The following PHF21B variants were observed in gnomAD, a reference collection of about 807,000 sequenced individuals.
PHF21B encodes PHD finger protein 21B.
PHF21B carries 22 observed loss-of-function variants against 62.2 expected under a neutral mutation model. That is an observed-to-expected ratio of 0.35 (90% CI 0.25 to 0.51). The LOEUF is 0.51. PHF21B is among the 20% of genes least tolerant of loss of function. The pLI, the probability that PHF21B is intolerant of heterozygous loss-of-function variation, is 0.97. For missense variants in PHF21B, 701 were observed against 707.9 expected (o/e 0.99, Z 0.11); for synonymous variants, 341 against 314.7 (o/e 1.08, Z -0.88).
chr22:44,895,890 C>A, intron 6 of PHF21B, 142 bp downstream of exon 6: 1 of 882,462 alleles, frequency 1.1e-6, no homozygotes, highest in African/African-American at 1.6e-5. Context: ...ATCCTGAGAC[C>A]CACTGCAGCA....
At chr22:44,980,664 C>T (rs2072824566) in intron 2 of PHF21B, among the ~76,000 whole-genome samples, 1 of 152,218 alleles carries the variant, frequency 6.6e-6, no homozygotes, top group African/African-American at 2.4e-5. Context: ...AAGCCACTGC[C>T]TCCCCCAAGA....
chr22:44,892,756 G>C (rs1363215486), intron 7 of PHF21B, among the ~76,000 whole-genome samples: 1 of 152,200 alleles, frequency 6.6e-6, no homozygotes, highest in African/African-American at 2.4e-5. Context: ...GTTGGCTTTG[G>C]GGAGATGACA....
chr22:44,962,079 G>GC (rs1305949518), intron 2 of PHF21B, among the ~76,000 whole-genome samples: 4 of 152,034 alleles, frequency 2.6e-5, no homozygotes, highest in African/African-American at 9.7e-5. Context: ...ACACACAAGT[G>GC]CATGTGTCTT....
intron 2 of PHF21B, among the ~76,000 whole-genome samples, chr22:44,921,974 T>C (rs1276720052): frequency 6.6e-6 from 1 of 152,168 alleles, no homozygotes; most frequent in East Asian, 1.9e-4. Flanking sequence ...GGAGCAGTTC[T>C]ACATGGCTAC....
intron 2 of PHF21B, among the ~76,000 whole-genome samples, chr22:44,965,168 CCT>C (rs974029950): frequency 3.3e-5 from 5 of 152,142 alleles, no homozygotes; most frequent in Non-Finnish European, 7.4e-5. Flanking sequence ...GGACCATCCC[CCT>C]GTGCCACCTG....
intron 2 of PHF21B, among the ~76,000 whole-genome samples, chr22:44,980,246 C>A (rs1026874178): frequency 4.6e-5 from 7 of 152,296 alleles, no homozygotes; most frequent in Admixed American, 3.9e-4. Context: ...GTCAGCATGT[C>A]TGGCCCCCAG....
intron 10 of PHF21B, among the ~76,000 whole-genome samples, chr22:44,887,172 A>AAG (rs1555929925): frequency 1.3e-5 from 2 of 151,384 alleles, no homozygotes; most frequent in African/African-American, 4.9e-5. Context: ...AAAAAAAAAA[A>AAG]AAAGAAAGAA....
intron 2 of PHF21B, among the ~76,000 whole-genome samples, chr22:44,927,435 G>A (rs1169298791): frequency 6.6e-6 from 1 of 152,126 alleles, no homozygotes; most frequent in East Asian, 1.9e-4. Context: ...TGGACCTACA[G>A]CCCCAGCACC....
intron 2 of PHF21B, among the ~76,000 whole-genome samples, chr22:44,972,108 G>A (rs1466528464): frequency 6.6e-6 from 1 of 152,204 alleles, no homozygotes; most frequent in Non-Finnish European, 1.5e-5. Flanking sequence ...GAATGACAGG[G>A]CTGGGTCTTG....
intron 2 of PHF21B, among the ~76,000 whole-genome samples, chr22:44,990,161 C>T (rs2073020170): frequency 6.6e-6 from 1 of 152,174 alleles, no homozygotes; most frequent in Non-Finnish European, 1.5e-5. Flanking sequence ...CCATGGCTCC[C>T]ACAGTCATGG....
intron 1 of PHF21B, 33 bp from the exon 2 acceptor site, chr22:45,008,643 G>T: frequency 6.5e-7 from 1 of 1,539,356 alleles, no homozygotes. Context: ...GCTCAGGCAG[G>T]CCACCCGGGG....
rs1473257695 is a variant in PHF21B at position 45,009,981 on chromosome 22, C to CTCGGCACGATGCTAAT, written c.-448_-433dup. ...TCGTTGGGCCTCGGCAAAGTTGTGC[C>CTCGGCACGATGCTAAT]TCGGCACGATGCTAATTCGGCAGTG... On this transcript the variant is annotated 5_prime_UTR_variant, in exon 1 of 13. Transcript: ENST00000313237. This position sits in a 1 kb window ranked among gnomAD's most constrained non-coding sequence, Gnocchi z 5.9. 6.8e-6 allele frequency: 1 copy of CTCGGCACGATGCTAAT among 146,378 alleles called. No homozygotes were observed. The highest frequency in any genetic ancestry group is 1.5e-5 in the Non-Finnish European group (1 of 65,616). The allele number at this position is 146,378 out of a possible 1,614,324, so 9.1% of individuals were successfully genotyped here.
chr22:44,975,535 G>C (rs1372854192), intron 2 of PHF21B, among the ~76,000 whole-genome samples: 1 of 152,248 alleles, frequency 6.6e-6, no homozygotes, highest in East Asian at 1.9e-4. Context: ...TGCCCTGACA[G>C]CAGAGAGGGT....
At chr22:44,993,682 A>G (rs1186196190) in intron 2 of PHF21B, among the ~76,000 whole-genome samples, 3 of 152,228 alleles carry the variant, frequency 2.0e-5, no homozygotes, top group Non-Finnish European at 4.4e-5. Context: ...GAGATGAGCA[A>G]CTTGGACTCT....
rs756264608 is a variant in PHF21B, at chr22:44,913,895, T to C, written c.758A>G (p.Glu253Gly). ...ESTAESRPPT[E>G]EPSQGAQATK... ...GGCCTGAGCTCCCTGAGATGGCTCC[T>C]CTGTGGGCGGCCGCGACTCTGCCGT... Residue 253 changes from glutamate to glycine, a missense_variant, in exon 5 of 13, where the codon GAG becomes GGG. Transcript: ENST00000313237. 2 of 1,613,978 alleles carry C rather than the reference T, an allele frequency of 1.2e-6. No homozygotes were observed. Among genetic ancestry groups the C allele is most frequent in the South Asian group, 2.2e-5 (2 of 91,054 alleles).
chr22:44,957,840 A>G (rs1328623652), intron 2 of PHF21B, among the ~76,000 whole-genome samples: 1 of 151,844 alleles, frequency 6.6e-6, no homozygotes, highest in East Asian at 1.9e-4. Flanking sequence ...TAAGCATTCT[A>G]AACCCGTTCA....
chr22:44,986,117 G>T (rs932236859), intron 2 of PHF21B, among the ~76,000 whole-genome samples: 1 of 100,866 alleles, frequency 9.9e-6, no homozygotes, highest in Non-Finnish European at 2.0e-5. Context: ...CCATCACCAT[G>T]ACAACCATCA....
At chr22:44,901,966 A>C (rs77578380) in intron 5 of PHF21B, 9,092 of 207,560 alleles carry the variant, frequency 0.044, 325 homozygotes, top group African/African-American at 0.1. Flanking sequence ...CATGGCAAAA[A>C]CCCCTTCAGC....
chr22:45,009,088 C>G lies in PHF21B; in HGVS notation c.54+408G>C. The G allele has an allele frequency of 9.4e-7, 1 of 1,064,404 alleles. No homozygotes were observed. 65.9% of individuals were successfully genotyped at this position (1,064,404 alleles called of 1,614,324 possible). A position where few individuals can be genotyped will look rare whatever the true frequency, so the allele number is the denominator to read the frequency against. ...CACGCCGCCGCTCGCCAGCAGCGATCGCCAAAACTACTTCTGCACACCGGG... is the reference window on the plus strand; with the variant it reads ...CACGCCGCCGCTCGCCAGCAGCGATGGCCAAAACTACTTCTGCACACCGGG... On this transcript the variant is annotated intron_variant, in intron 1 of 12. Coordinates refer to ENST00000313237, the MANE Select transcript of PHF21B (RefSeq NM_138415.5). This position sits in a 1 kb window ranked among gnomAD's most constrained non-coding sequence, Gnocchi z 5.9.
Sources: allele counts gnomAD v4.1 joint callset (sites outside exome capture counted in the v4.1 genomes callset), GRCh38; gene constraint gnomAD v4.1.1; non-coding constraint Gnocchi (gnomAD v3.1); transcripts MANE v1.5; gene names NCBI Gene and HGNC (gene_info 2026-07-23, HGNC 2026-07-21).